Variants in MAP2K6 observed in about 807,000 individuals in gnomAD.
MAP2K6 encodes dual specificity mitogen-activated protein kinase kinase 6.
In MAP2K6, 16 loss-of-function variants were observed where a neutral mutation model predicts 53.7. That is an observed-to-expected ratio of 0.30 (90% CI 0.20 to 0.45). The LOEUF (loss-of-function observed/expected upper bound fraction) is 0.45, where lower values mean the gene tolerates loss of function less well. Ranked by LOEUF, MAP2K6 falls within the 20% of genes least tolerant of loss-of-function variation. The probability of loss-of-function intolerance (pLI) is 1.00; values close to 1 mark genes in which losing one functional copy is unlikely to be tolerated. For missense variants in MAP2K6, 204 were observed against 411.9 expected, an observed-to-expected ratio of 0.50 and a Z score of 4.37; for synonymous variants, 132 against 143.1, an observed-to-expected ratio of 0.92 and a Z score of 0.55.
chr17:69,509,689 CT>C (rs1004674026), intron 2 of MAP2K6, among the ~76,000 whole-genome samples: 6 of 152,116 alleles, frequency 3.9e-5, no homozygotes, highest in Non-Finnish European at 8.8e-5. Context: ...AGCAGGCAAA[CT>C]TGCTTTGTTC....
chr17:69,440,283 G>A (rs1906776389), intron 1 of MAP2K6, among the ~76,000 whole-genome samples: 1 of 152,042 alleles, frequency 6.6e-6, no homozygotes, highest in Admixed American at 6.5e-5. Context: ...CCTGACCTTA[G>A]GTGATCTGCC....
intron 1 of MAP2K6, among the ~76,000 whole-genome samples, chr17:69,467,913 G>A (rs1208872636): frequency 1.3e-5 from 2 of 152,006 alleles, no homozygotes; most frequent in African/African-American, 4.8e-5. Flanking sequence ...TTACAGGCAT[G>A]TGCCACCACG....
intron 7 of MAP2K6, among the ~76,000 whole-genome samples, chr17:69,523,026 A>G (rs761541810): frequency 6.6e-6 from 1 of 152,176 alleles, no homozygotes; most frequent in Admixed American, 6.5e-5. Context: ...ACACCACTGC[A>G]CACCGGTTGA....
rs1010122799 is a variant in MAP2K6, at chr17:69,550,698, G to T, written c.*8945G>T. On this transcript the variant is annotated 3_prime_UTR_variant, in exon 12 of 12. Coordinates refer to ENST00000590474, the MANE Select transcript of MAP2K6 (RefSeq NM_002758.4). The stretch of plus-strand genomic sequence containing the variant: ...TGCCCCTGAGGGTCTCTTGTGAACA[G>T]AAGGGAAAAAGAGTGTGATGAAGGT... The T allele has an allele frequency of 6.6e-6, 1 of 152,178 alleles. No homozygotes were observed. The highest frequency in any genetic ancestry group is 1.5e-5 in the Non-Finnish European group (1 of 68,044). The allele number at this position is 152,178 out of a possible 1,614,324, so 9.4% of individuals were successfully genotyped here.
At chr17:69,485,311 TTC>T (rs1485681897) in intron 1 of MAP2K6, 1 of 166,886 alleles carries the variant, frequency 6.0e-6, no homozygotes, top group Non-Finnish European at 1.2e-5. Flanking sequence ...CATTTTTTTT[TTC>T]AGGTTTTAGG....
At chr17:69,490,819 G>C (rs1344605824) in intron 1 of MAP2K6, among the ~76,000 whole-genome samples, 2 of 151,882 alleles carry the variant, frequency 1.3e-5, no homozygotes, top group Non-Finnish European at 2.9e-5. Flanking sequence ...CATTACCCAA[G>C]TATTAAGCCT....
At chr17:69,466,635 C>T (rs1396230689) in intron 1 of MAP2K6, among the ~76,000 whole-genome samples, 1 of 152,230 alleles carries the variant, frequency 6.6e-6, no homozygotes, top group Non-Finnish European at 1.5e-5. Flanking sequence ...TCTTAGCAAT[C>T]CCTGTGAATG....
At chr17:69,485,136 G>A (rs1908484183) in intron 1 of MAP2K6, 1 of 152,132 alleles carries the variant, frequency 6.6e-6, no homozygotes, top group East Asian at 1.9e-4. Context: ...ATAAGAGTCA[G>A]AGTGCAAAGG....
chr17:69,459,067 CTG>C (rs1297822421), intron 1 of MAP2K6, among the ~76,000 whole-genome samples: 7 of 152,226 alleles, frequency 4.6e-5, no homozygotes, highest in African/African-American at 1.7e-4. Context: ...TTGGATCTTA[CTG>C]TGTCTTTACT....
intron 1 of MAP2K6, among the ~76,000 whole-genome samples, chr17:69,423,195 T>C (rs1906152320): frequency 6.6e-6 from 1 of 152,160 alleles, no homozygotes; most frequent in South Asian, 2.1e-4. Context: ...GCCTCAGCTG[T>C]TTTTAAGTAT....
At chr17:69,498,481 A>T (rs776292164) in intron 1 of MAP2K6, among the ~76,000 whole-genome samples, 114 of 152,174 alleles carry the variant, frequency 7.5e-4, no homozygotes, top group Non-Finnish European at 1.3e-3. Context: ...GGGCATCAGC[A>T]GGGGACCCAC....
chr17:69,534,292 T>A (rs1243749984), intron 10 of MAP2K6, among the ~76,000 whole-genome samples: 1 of 152,186 alleles, frequency 6.6e-6, no homozygotes, highest in Non-Finnish European at 1.5e-5. Context: ...CAGCACACAT[T>A]CCCATATCAA....
In MAP2K6 at chr17:69,523,600, G is replaced by T. The variant is rs1331402145; in HGVS notation, c.622G>T (p.Val208Phe). 6.2e-7 allele frequency: 1 copy of T among 1,613,960 alleles called. No homozygotes were observed. The highest frequency in any genetic ancestry group is 1.3e-5 in the African/African-American group (1 of 74,916). ...AATCAGTGGCTACTTGGTGGACTCT[G>T]TTGCTAAAACAATTGATGCAGGTTG... ...FGISGYLVDS[V>F]AKTIDAGCKP... The change falls in exon 8 of 12, where the codon GTT becomes TTT. Residue 208 changes from valine to phenylalanine, a missense_variant. This residue lies in a region of MAP2K6 where 28 missense variants were observed against 102.5 expected (regional missense o/e 0.27). Coordinates refer to ENST00000590474, the MANE Select transcript of MAP2K6 (RefSeq NM_002758.4).
In MAP2K6 at chr17:69,526,550, T is replaced by A; in HGVS notation, c.742-20T>A. ...CAGCCCTGTTGAAACTGTTGTCTCC[T>A]TTTTTCTTCTTTTCTCCAGATTGAG... is the stretch of plus-strand genomic sequence containing the variant. On this transcript the variant is annotated intron_variant, in intron 9 of 11. Coordinates refer to ENST00000590474, the MANE Select transcript of MAP2K6 (RefSeq NM_002758.4). The A allele has an allele frequency of 5.0e-6, 8 of 1,610,696 alleles. No individual in the cohort carries two copies. The highest frequency in any genetic ancestry group is 6.8e-6 in the Non-Finnish European group (8 of 1,179,152).
intron 1 of MAP2K6, among the ~76,000 whole-genome samples, chr17:69,456,408 T>C (rs909788225): frequency 1.3e-5 from 2 of 152,228 alleles, no homozygotes; most frequent in African/African-American, 4.8e-5. Context: ...AAGGCAATTT[T>C]ATGTCTTTAG....
chr17:69,514,938 G>GA (rs1257068263), intron 2 of MAP2K6, among the ~76,000 whole-genome samples: 3 of 152,060 alleles, frequency 2.0e-5, no homozygotes, highest in Non-Finnish European at 4.4e-5. Context: ...CTGAGAGTTA[G>GA]AAAAAATCCT....
At chr17:69,479,982 C>T (rs577599566) in intron 1 of MAP2K6, among the ~76,000 whole-genome samples, 23 of 152,196 alleles carry the variant, frequency 1.5e-4, no homozygotes, top group Middle Eastern at 3.4e-3. Context: ...GTGATCCACC[C>T]GGCTTGGCCT....
intron 1 of MAP2K6, among the ~76,000 whole-genome samples, chr17:69,445,591 T>G (rs1030068796): frequency 3.3e-5 from 5 of 152,252 alleles, no homozygotes; most frequent in African/African-American, 1.2e-4. Context: ...GTAACGTGTT[T>G]TGGGCTTACA....
intron 1 of MAP2K6, among the ~76,000 whole-genome samples, chr17:69,451,040 C>G (rs145377071): frequency 1.5e-4 from 23 of 152,250 alleles, no homozygotes; most frequent in Non-Finnish European, 2.9e-4. Context: ...GAAACATACT[C>G]TAGACAGAGA....
Sources: gnomAD v4.1 joint callset for allele counts (sites outside exome capture counted in the v4.1 genomes callset) on GRCh38, gnomAD v4.1.1 for gene constraint, gnomAD v4.1.1 regional missense constraint, MANE v1.5 for transcripts, NCBI Gene and HGNC (gene_info 2026-07-23, HGNC 2026-07-21) for gene names.